Variants in SCN8A observed in about 807,000 individuals in gnomAD.
SCN8A encodes sodium channel protein type 8 subunit alpha.
A neutral mutation model predicts 184.1 loss-of-function variants in SCN8A; 30 were observed. That is an observed-to-expected ratio of 0.16 (90% confidence interval 0.12 to 0.22). SCN8A has a LOEUF of 0.22. Ranked by LOEUF, SCN8A falls within the 10% of genes least tolerant of loss-of-function variation. The probability of loss-of-function intolerance (pLI) is 1.00; values close to 1 mark genes in which losing one functional copy is unlikely to be tolerated. For missense variants in SCN8A, 1,057 were observed against 2,498.9 expected, an observed-to-expected ratio of 0.42 and a Z score of 12.30; for synonymous variants, 852 against 907.0, an observed-to-expected ratio of 0.94 and a Z score of 1.09.
In SCN8A at chr12:51,676,031, G is replaced by A. The variant is rs888508279; in HGVS notation, c.277-8143G>A. 7.2e-5 allele frequency among the ~76,000 whole-genome samples: 11 copies of A among 152,088 alleles called. No individual in the cohort carries two copies. The East Asian group carries it at 1.5e-3, about 21-fold the overall frequency. On this transcript the variant is annotated intron_variant, in intron 2 of 26. Coordinates refer to ENST00000627620, the MANE Select transcript of SCN8A (RefSeq NM_001330260.2). ...TACTAAGAAGGAATTTTTAAAATAC[G>A]GGATTTAGTGGTCTCTTTTGCTCCA...
chr12:51,802,208 C>A (rs1370412571), intron 26 of SCN8A, among the ~76,000 whole-genome samples: 2 of 152,138 alleles, frequency 1.3e-5, no homozygotes, highest in Non-Finnish European at 2.9e-5. Context: ...AGAGAATCAG[C>A]ATTGTCTTGC....
At chr12:51,654,702 G>A (rs1378804020) in intron 1 of SCN8A, among the ~76,000 whole-genome samples, 1 of 151,690 alleles carries the variant, frequency 6.6e-6, no homozygotes, top group Non-Finnish European at 1.5e-5. Context: ...GTAGATATGG[G>A]GTCTCACTAT....
intron 1 of SCN8A, among the ~76,000 whole-genome samples, chr12:51,656,887 C>A (rs909221166): frequency 6.6e-6 from 1 of 151,964 alleles, no homozygotes; most frequent in Non-Finnish European, 1.5e-5. Context: ...AAATTGTAAC[C>A]TTCTTATATT....
chr12:51,770,595 T>G lies in SCN8A; in HGVS notation c.3557T>G (p.Ile1186Ser). 6.2e-7 allele frequency: 1 copy of G among 1,614,012 alleles called. No individual in the cohort carries two copies. The highest frequency in any genetic ancestry group is 8.5e-7 in the Non-Finnish European group (1 of 1,179,940). ...IEEGLGKSWW[I>S]LRKTCFLIVE... ...GAAGGGCTAGGCAAGTCTTGGTGGA[T>G]CCTGCGGAAAACCTGCTTCCTCATC... Residue 1186 changes from isoleucine to serine, a missense_variant, in exon 19 of 27, where the codon ATC becomes AGC. By Grantham distance (142) the Ile-to-Ser change is moderately radical (BLOSUM62 -2). This residue lies in a region of SCN8A where 178 missense variants were observed against 259.6 expected (regional missense o/e 0.69). Coordinates refer to ENST00000627620, the MANE Select transcript of SCN8A (RefSeq NM_001330260.2).
chr12:51,805,478 G>A (rs1938673015), intron 26 of SCN8A, among the ~76,000 whole-genome samples: 1 of 150,718 alleles, frequency 6.6e-6, no homozygotes, highest in Admixed American at 6.6e-5. Context: ...AACCATAGTA[G>A]GAAATTATAT....
intron 1 of SCN8A, among the ~76,000 whole-genome samples, chr12:51,607,429 C>G (rs1008239349): frequency 1.3e-5 from 2 of 152,112 alleles, no homozygotes; most frequent in African/African-American, 2.4e-5. Context: ...TCTTTCTCTT[C>G]TCTGATTGCT....
At chr12:51,655,872 G>A (rs1940813177) in intron 1 of SCN8A, among the ~76,000 whole-genome samples, 1 of 152,226 alleles carries the variant, frequency 6.6e-6, no homozygotes, top group African/African-American at 2.4e-5. Context: ...GTAGTGGTAT[G>A]ATGGACAAGG....
chr12:51,611,275 C>A (rs1335553026), intron 1 of SCN8A, among the ~76,000 whole-genome samples: 1 of 151,726 alleles, frequency 6.6e-6, no homozygotes, highest in African/African-American at 2.4e-5. Flanking sequence ...CATTCTCCTG[C>A]CTCAGCCTCT....
At chr12:51,759,169 A>G (rs1264082696) in intron 14 of SCN8A, among the ~76,000 whole-genome samples, 2 of 152,038 alleles carry the variant, frequency 1.3e-5, no homozygotes, top group African/African-American at 4.8e-5. Flanking sequence ...AGTAAGAGAA[A>G]TGATTGATGT....
chr12:51,756,908 A>G (rs1196630546), intron 14 of SCN8A, among the ~76,000 whole-genome samples: 2 of 152,246 alleles, frequency 1.3e-5, no homozygotes, highest in Non-Finnish European at 2.9e-5. Flanking sequence ...AAAAGCAAAA[A>G]AGCAGAAAGT....
At chr12:51,682,722 C>G (rs970572118) in intron 2 of SCN8A, among the ~76,000 whole-genome samples, 1 of 152,150 alleles carries the variant, frequency 6.6e-6, no homozygotes, top group Non-Finnish European at 1.5e-5. Context: ...TGGCCATTTG[C>G]TCTTTCACTC....
intron 1 of SCN8A, among the ~76,000 whole-genome samples, chr12:51,619,815 A>G (rs1939922241): frequency 6.6e-6 from 1 of 152,232 alleles, no homozygotes; most frequent in South Asian, 2.1e-4. Context: ...TTAGATGACC[A>G]ATTGATTGGA....
At position 51,687,044 on chromosome 12, in the gene SCN8A, A is replaced by C. The variant is rs1241130021; in HGVS notation, c.486-47A>C. On this transcript the variant is annotated intron_variant, in intron 4 of 26. Coordinates refer to ENST00000627620, the MANE Select transcript of SCN8A (RefSeq NM_001330260.2). Reference sequence around the variant, plus strand: ...AAGTGCTAACTTAAAAGGTTCATTTAAAGTTTCTGTCCAGAAATTACCTCA... The same window carrying C: ...AAGTGCTAACTTAAAAGGTTCATTTCAAGTTTCTGTCCAGAAATTACCTCA... 6 of 1,605,624 alleles carry C rather than the reference A, an allele frequency of 3.7e-6. No individual in the cohort carries two copies. The South Asian group carries it at 5.5e-5, about 15-fold the overall frequency.
At chr12:51,643,101 G>A (rs918063498) in intron 1 of SCN8A, among the ~76,000 whole-genome samples, 5 of 152,136 alleles carry the variant, frequency 3.3e-5, no homozygotes, top group African/African-American at 1.2e-4. Context: ...AGCAACCTGA[G>A]TGTTCCCTGA....
At chr12:51,643,997 A>G in intron 1 of SCN8A, among the ~76,000 whole-genome samples, 1 of 152,180 alleles carries the variant, frequency 6.6e-6, no homozygotes, top group East Asian at 1.9e-4. Context: ...CCTTTGTTCT[A>G]GCCTGTGTGT....
chr12:51,662,241 G>A (rs977473179), intron 1 of SCN8A, among the ~76,000 whole-genome samples: 4 of 152,210 alleles, frequency 2.6e-5, no homozygotes, highest in Admixed American at 1.3e-4. Flanking sequence ...GCAGATGGAA[G>A]CGATTTTATC....
At chr12:51,770,810 A>T in intron 19 of SCN8A, 127 bp downstream of exon 19, 1 of 987,442 alleles carries the variant, frequency 1.0e-6, no homozygotes, top group South Asian at 1.6e-5. Flanking sequence ...AAGAAGAATG[A>T]TCTGTTAAAG....
At chr12:51,661,333 A>G (rs559083572) in intron 1 of SCN8A, among the ~76,000 whole-genome samples, 13 of 152,328 alleles carry the variant, frequency 8.5e-5, no homozygotes, top group South Asian at 4.1e-4. Context: ...CAACTGGTCT[A>G]TGTGGGGCAA....
Position 51,769,027 on chromosome 12 carries a change from C to T in SCN8A, c.3064C>T (p.His1022Tyr). ...AAAGGTGCACGCCTTCATGCAGGCCCACTTTAAGCAGCGTGAGGCTGATGA... is the reference window on the plus strand; with the variant it reads ...AAAGGTGCACGCCTTCATGCAGGCCTACTTTAAGCAGCGTGAGGCTGATGA... The part of the protein sequence containing the change: ...KLKVHAFMQA[H>Y]FKQREADEVK... The change falls in exon 17 of 27, where the codon CAC (histidine) becomes TAC (tyrosine). Residue 1022 changes from histidine (H) to tyrosine (Y), a missense_variant. His to Tyr is a moderately conservative substitution (Grantham distance 83). Around this residue, in one of 19 missense-constraint regions of SCN8A, gnomAD observed 178 missense variants for 259.6 expected, o/e 0.69. Transcript: ENST00000627620. The T allele has an allele frequency of 6.2e-7, 1 of 1,614,004 alleles. No homozygotes were observed. The highest frequency in any genetic ancestry group is 8.5e-7 in the Non-Finnish European group (1 of 1,179,884).
Sources: allele counts gnomAD v4.1 joint callset (sites outside exome capture counted in the v4.1 genomes callset), GRCh38; gene constraint gnomAD v4.1.1; regional missense constraint gnomAD v4.1.1; transcripts MANE v1.5; gene names NCBI Gene and HGNC (gene_info 2026-07-23, HGNC 2026-07-21).